ZNF185: variants seen among roughly 807,000 people sequenced by gnomAD.
ZNF185 encodes zinc finger protein 185 with LIM domain, also known as zinc finger protein 185.
In ZNF185, 56 loss-of-function variants were observed where a neutral mutation model predicts 58.6. The observed-to-expected ratio is 0.95, with a 90% CI of 0.77 to 1.19. ZNF185 has a LOEUF of 1.19. ZNF185 is among the 50% of genes most tolerant of loss of function. The pLI is 0.00. For missense variants in ZNF185, 627 were observed against 573.5 expected (o/e 1.09, Z -0.95); for synonymous variants, 230 against 215.9 (o/e 1.07, Z -0.57).
chrX:152,958,112 G>A (rs1272155383), intron 16 of ZNF185, among the ~76,000 whole-genome samples: 4 of 112,036 alleles, frequency 3.6e-5, no homozygotes, highest in African/African-American at 9.8e-5. Flanking sequence ...GTTATCTTTC[G>A]TAAGATGTCA....
At chrX:152,955,899 T>TAAAA (rs77247991) in intron 16 of ZNF185, among the ~76,000 whole-genome samples, 2 of 89,218 alleles carry the variant, frequency 2.2e-5, no homozygotes, top group African/African-American at 4.3e-5. Flanking sequence ...AGACTCCACC[T>TAAAA]AAAAAAAAAA....
intron 17 of ZNF185, among the ~76,000 whole-genome samples, chrX:152,962,498 G>C (rs1364154243): frequency 8.9e-6 from 1 of 111,917 alleles, no homozygotes; most frequent in Non-Finnish European, 1.9e-5. Flanking sequence ...TCAGTCAGTA[G>C]GAGGTCTTCC....
intron 14 of ZNF185, among the ~76,000 whole-genome samples, chrX:152,933,626 G>T (rs1227569363): frequency 8.9e-6 from 1 of 112,491 alleles, no homozygotes; most frequent in Non-Finnish European, 1.9e-5. Flanking sequence ...TTGGGGCAAA[G>T]GCTAGGTATG....
At chrX:152,957,362 C>T (rs1338231386) in intron 16 of ZNF185, among the ~76,000 whole-genome samples, 1 of 110,816 alleles carries the variant, frequency 9.0e-6, no homozygotes, top group East Asian at 2.8e-4. Context: ...CAAGGTCATG[C>T]AGATATTAAA....
chrX:152,938,135 C>G, exon 15 of ZNF185: 1 of 1,184,998 alleles, frequency 8.4e-7, no homozygotes, highest in Non-Finnish European at 1.1e-6. Flanking sequence ...CACAGCAGCC[C>G]AGGAGGATGC....
At chrX:152,920,898 G>T (rs2125344895) in intron 9 of ZNF185, 150 bp downstream of exon 10, 2 of 695,772 alleles carry the variant, frequency 2.9e-6, no homozygotes, top group African/African-American at 2.1e-5. Flanking sequence ...GGGGCTGGGG[G>T]CTTCTGTCTG....
At chrX:152,932,192 GGA>G (rs1556877981) in intron 13 of ZNF185, among the ~76,000 whole-genome samples, 1 of 112,616 alleles carries the variant, frequency 8.9e-6, no homozygotes, top group Non-Finnish European at 1.9e-5. Context: ...TGGCAGTCTG[GGA>G]GAGTCAGTGA....
chrX:152,937,002 A>AGGAGCCATTTT (rs2046379403), intron 14 of ZNF185, among the ~76,000 whole-genome samples: 2 of 111,974 alleles, frequency 1.8e-5, no homozygotes, highest in Non-Finnish European at 3.8e-5. Flanking sequence ...GTGCATTCCC[A>AGGAGCCATTTT]TGCTGTAAGC....
At chrX:152,925,193 C>G (rs1231507481) in intron 11 of ZNF185, among the ~76,000 whole-genome samples, 1 of 111,517 alleles carries the variant, frequency 9.0e-6, no homozygotes, top group Non-Finnish European at 1.9e-5. Flanking sequence ...GTAGTCCCAG[C>G]TACTTGGGAG....
rs1603336095 is a variant in ZNF185, at chrX:152,968,924, A to G, written c.1872-458A>G. On this transcript the variant is annotated intron_variant, in intron 20 of 22. Coordinates refer to ENST00000449285, the Ensembl canonical transcript of ZNF185. ...CAGACAGAGCATGAAGGGTGGGTCC[A>G]GGAGTATAGGCAGGGGCAGAGCTCA... Among the ~76,000 whole-genome samples, 3 of 111,807 alleles carry G rather than the reference A, an allele frequency of 2.7e-5. No homozygotes were observed. In the South Asian group the frequency reaches 1.1e-3, roughly 42 times the overall value.
exon 16 of ZNF185, chrX:152,945,332 C>T: frequency 8.3e-7 from 1 of 1,208,191 alleles, no homozygotes; most frequent in Admixed American, 2.2e-5. Flanking sequence ...CAGGAGAGGC[C>T]TGGAGCTCCA....
At chrX:152,901,398 G>A in the ZNF185 span, among the ~76,000 whole-genome samples, 2 of 109,474 alleles carry the variant, frequency 1.8e-5, no homozygotes, top group African/African-American at 6.7e-5. Flanking sequence ...CACTACAGGC[G>A]AGTGCCACCA....
At chrX:152,899,475 A>G in the ZNF185 span, among the ~76,000 whole-genome samples, 2,417 of 112,871 alleles carry the variant, frequency 0.021, 70 homozygotes, top group African/African-American at 0.073. Flanking sequence ...CCACTTCAGG[A>G]TGGGAAGGAA....
intron 3 of ZNF185, among the ~76,000 whole-genome samples, chrX:152,915,852 G>A (rs1321795546): frequency 6.2e-5 from 7 of 112,308 alleles, no homozygotes; most frequent in African/African-American, 2.3e-4. Flanking sequence ...ATTCAGGCTC[G>A]CTCCTTGCTC....
intron 18 of ZNF185, 87 bp from the exon 21 acceptor site, chrX:152,965,360 C>T (rs782662303): frequency 2.6e-5 from 24 of 915,297 alleles, no homozygotes; most frequent in Middle Eastern, 2.8e-4. Context: ...GCTGGGTCTC[C>T]CCAGCCCTGA....
At chrX:152,922,318 TG>T (rs1939899467) in intron 10 of ZNF185, 62 bp downstream of exon 11, 1 of 1,066,242 alleles carries the variant, frequency 9.4e-7, no homozygotes, top group Admixed American at 2.7e-5. Context: ...ACTCAGTCAC[TG>T]AGGAACCTCA....
Position 152,958,433 on chromosome X carries a change from G to A in ZNF185, c.1410-1266G>A, listed in dbSNP as rs936064861. 6.3e-5 allele frequency among the ~76,000 whole-genome samples: 7 copies of A among 111,003 alleles called. No individual in the cohort carries two copies. The East Asian group carries it at 1.7e-3, about 27-fold the overall frequency. On this transcript the variant is annotated intron_variant, in intron 16 of 22. Transcript: ENST00000449285. Reference sequence around the variant, plus strand: ...TTTGACTACTATTAGTTGCAAATTGGACCCTTATGTCAACTTTTTCATCTG... The same window carrying A: ...TTTGACTACTATTAGTTGCAAATTGAACCCTTATGTCAACTTTTTCATCTG...
At chrX:152,914,332 C>T (rs138893507), upstream of ZNF185, 5,015 of 488,380 alleles carry the variant, frequency 0.01, 28 homozygotes, top group Non-Finnish European at 0.014. Context: ...CGCTTGCCAC[C>T]CCCGATGTGC....
intron 17 of ZNF185, among the ~76,000 whole-genome samples, chrX:152,962,836 GGC>G (rs1368156353): frequency 8.9e-6 from 1 of 112,703 alleles, no homozygotes; most frequent in Non-Finnish European, 1.9e-5. Context: ...GAGACTATGA[GGC>G]GAGAGAGCTA....
Sources: allele counts gnomAD v4.1 joint callset (sites outside exome capture counted in the v4.1 genomes callset), GRCh38; gene constraint gnomAD v4.1.1; transcripts MANE v1.5; gene names NCBI Gene and HGNC (gene_info 2026-07-23, HGNC 2026-07-21).